XYLT1: variants seen among roughly 807,000 people sequenced by gnomAD.
XYLT1 encodes the protein beta-D-xylosyltransferase 1.
In XYLT1, 36 loss-of-function variants were observed where a neutral mutation model predicts 91.3. That is an observed-to-expected ratio of 0.39 (90% confidence interval 0.30 to 0.52). The LOEUF (loss-of-function observed/expected upper bound fraction) is 0.52. Among genes scored for constraint, XYLT1 ranks in the 20% least tolerant of loss-of-function variants. The probability of loss-of-function intolerance (pLI) is 0.68; values close to 1 mark genes in which losing one functional copy is unlikely to be tolerated. For synonymous variants in XYLT1, 588 were observed against 532.0 expected (o/e 1.11, Z -1.45); for missense variants, 1,242 against 1,284.5 (o/e 0.97, Z 0.51).
chr16:17,209,799 C>T (rs1249597765), intron 3 of XYLT1, among the ~76,000 whole-genome samples: 1 of 152,240 alleles, frequency 6.6e-6, no homozygotes, highest in East Asian at 1.9e-4. Flanking sequence ...CTCCGCGGAC[C>T]TCGCCCATCA....
chr16:17,150,567 A>T (rs1413969751), intron 6 of XYLT1, among the ~76,000 whole-genome samples: 1 of 152,116 alleles, frequency 6.6e-6, no homozygotes, highest in African/African-American at 2.4e-5. Flanking sequence ...ATTCACTGCA[A>T]CCCCATGAGG....
intron 3 of XYLT1, among the ~76,000 whole-genome samples, chr16:17,246,747 C>T (rs1183813561): frequency 6.6e-6 from 1 of 152,180 alleles, no homozygotes; most frequent in Non-Finnish European, 1.5e-5. Flanking sequence ...TAGCCCCGTG[C>T]AGGCAGGGGC....
intron 2 of XYLT1, among the ~76,000 whole-genome samples, chr16:17,337,769 T>A (rs8044779): frequency 0.34 from 44,610 of 133,154 alleles, 8,312 homozygotes; most frequent in Admixed American, 0.46. Flanking sequence ...CTGTTCCACA[T>A]TTTTTCTTTT....
chr16:17,103,160 C>T lies in XYLT1; in HGVS notation c.*5535G>A, dbSNP rs971647835. 1.3e-5 allele frequency: 2 copies of T among 152,590 alleles called. No individual in the cohort carries two copies. The highest frequency in any genetic ancestry group is 4.8e-5 in the African/African-American group (2 of 41,436). The allele number at this position is 152,590 out of a possible 1,614,324, so 9.5% of individuals were successfully genotyped here. On this transcript the variant is annotated 3_prime_UTR_variant, in exon 12 of 12. Transcript: ENST00000261381. The stretch of plus-strand genomic sequence containing the variant: ...ATATTTAGTGCTATCACTTTCCAGG[C>T]AGGAAGGACGAAGAGATAAATGGAG...
In XYLT1 at chr16:17,428,166, T is replaced by G. The variant is rs1236658287; in HGVS notation, c.363+42268A>C. Among the ~76,000 whole-genome samples the G allele has an allele frequency of 5.3e-5, 8 of 152,324 alleles. No individual in the cohort carries two copies. The East Asian group carries it at 1.5e-3, about 29-fold the overall frequency. The stretch of plus-strand genomic sequence containing the variant: ...GCACAGCTAGTTTTTGTATTTTTAC[T>G]AGAGCCAGAGGTTCGCCATGTTGGC... On this transcript the variant is annotated intron_variant, in intron 1 of 11. Transcript: ENST00000261381.
At chr16:17,188,005 G>T (rs915652590) in intron 5 of XYLT1, among the ~76,000 whole-genome samples, 1 of 152,046 alleles carries the variant, frequency 6.6e-6, no homozygotes, top group African/African-American at 2.4e-5. Context: ...CCTGAACGAG[G>T]CTGTTTTGCA....
intron 3 of XYLT1, among the ~76,000 whole-genome samples, chr16:17,214,178 C>G (rs914215551): frequency 6.6e-6 from 1 of 152,208 alleles, no homozygotes; most frequent in African/African-American, 2.4e-5. Context: ...GGCTTCCTGC[C>G]AAGATGGCCT....
At chr16:17,342,729 A>C (rs1353668242) in intron 2 of XYLT1, among the ~76,000 whole-genome samples, 10 of 152,038 alleles carry the variant, frequency 6.6e-5, no homozygotes, top group Non-Finnish European at 1.5e-5. Context: ...CTCAAAAAAA[A>C]ACACATGCGT....
chr16:17,462,449 G>T (rs1481688721), intron 1 of XYLT1, among the ~76,000 whole-genome samples: 1 of 152,192 alleles, frequency 6.6e-6, no homozygotes, highest in Non-Finnish European at 1.5e-5. Context: ...CTTCCAATCG[G>T]GAAGGGGGCA....
chr16:17,259,276 G>C lies in XYLT1; in HGVS notation c.625C>G (p.Pro209Ala), dbSNP rs1191138215. The C allele has an allele frequency of 6.2e-7, 1 of 1,614,030 alleles. No individual in the cohort carries two copies. ...QQEKGKGHTF[P>A]GKGPGEVLPP... ...AGCACCTCACCGGGGCCTTTCCCAG[G>C]GAATGTATGTCCTTTTCCTTTCTCC... Residue 209 changes from proline (P) to alanine (A), a missense_variant, in exon 3 of 12, where the codon CCT (proline) becomes GCT (alanine). By Grantham distance (27) the Pro-to-Ala change is conservative. Coordinates refer to ENST00000261381, the MANE Select transcript of XYLT1 (RefSeq NM_022166.4).
intron 10 of XYLT1, among the ~76,000 whole-genome samples, chr16:17,123,729 T>A (rs573094113): frequency 1.4e-4 from 22 of 152,316 alleles, no homozygotes; most frequent in Non-Finnish European, 2.9e-4. Context: ...GTTTCTTTAT[T>A]GACTTTCTGT....
In XYLT1 at chr16:17,210,648, G is replaced by A. The variant is rs144106267; in HGVS notation, c.914-9994C>T. Among the ~76,000 whole-genome samples, 78 of 152,250 alleles carry A rather than the reference G, an allele frequency of 5.1e-4. No homozygotes were observed. In the East Asian group the frequency reaches 0.014, roughly 26 times the overall value. ...GTTGGTCTTGAACTCCTGGGCTCAA[G>A]TGATCTTCCCCCTTCAGCCTCCCAG... On this transcript the variant is annotated intron_variant, in intron 3 of 11. Coordinates refer to ENST00000261381, the MANE Select transcript of XYLT1 (RefSeq NM_022166.4).
At chr16:17,353,392 G>A (rs2035247287) in intron 2 of XYLT1, among the ~76,000 whole-genome samples, 1 of 152,178 alleles carries the variant, frequency 6.6e-6, no homozygotes, top group African/African-American at 2.4e-5. Context: ...AGAATTAAAT[G>A]GCAAGAGACC....
At chr16:17,282,965 C>CG (rs1555494005) in intron 2 of XYLT1, among the ~76,000 whole-genome samples, 4 of 151,808 alleles carry the variant, frequency 2.6e-5, no homozygotes, top group Non-Finnish European at 5.9e-5. Context: ...AAGTCACCCC[C>CG]CCCAAGTCAC....
At chr16:17,401,963 G>A (rs1245902754) in intron 1 of XYLT1, among the ~76,000 whole-genome samples, 1 of 152,078 alleles carries the variant, frequency 6.6e-6, no homozygotes, top group Non-Finnish European at 1.5e-5. Flanking sequence ...TGAATTATGC[G>A]CTAATTAGCA....
At chr16:17,115,207 G>A (rs867991741) in intron 11 of XYLT1, among the ~76,000 whole-genome samples, 9 of 150,218 alleles carry the variant, frequency 6.0e-5, no homozygotes, top group South Asian at 2.1e-4. Flanking sequence ...GGTGGCTCAC[G>A]CCTGTAATCC....
intron 8 of XYLT1, chr16:17,137,597 GCACTCTCAGGGCT>G (rs1485672834): frequency 1.1e-4 from 16 of 151,480 alleles, no homozygotes; most frequent in Non-Finnish European, 2.2e-4. Flanking sequence ...TTGGGGCCAA[GCACTCTCAGGGCT>G]CATGGTAAGT....
At chr16:17,195,457 G>T (rs959338262) in intron 5 of XYLT1, among the ~76,000 whole-genome samples, 20 of 151,272 alleles carry the variant, frequency 1.3e-4, no homozygotes, top group African/African-American at 4.6e-4. Flanking sequence ...TTGTTTGTTT[G>T]TTTTTTTGAG....
chr16:17,322,882 T>C (rs567775922), intron 2 of XYLT1, among the ~76,000 whole-genome samples: 32 of 152,370 alleles, frequency 2.1e-4, no homozygotes, highest in Non-Finnish European at 3.4e-4. Context: ...TGCAGTGCTG[T>C]ATCTCCAGGC....
Sources: gnomAD v4.1 joint callset for allele counts (sites outside exome capture counted in the v4.1 genomes callset) on GRCh38, gnomAD v4.1.1 for gene constraint, MANE v1.5 for transcripts, NCBI Gene and HGNC (gene_info 2026-07-23, HGNC 2026-07-21) for gene names.